Variants in UGT2B15 observed in about 807,000 individuals in gnomAD.
UGT2B15 encodes UDP-glucuronosyltransferase 2B15.
UGT2B15 carries 36 observed loss-of-function variants against 45.9 expected under a neutral mutation model. The observed-to-expected ratio is 0.78, with a 90% confidence interval of 0.60 to 1.04. UGT2B15 has a LOEUF of 1.04. Among genes scored for constraint, UGT2B15 ranks in the 50% least tolerant of loss-of-function variants. The probability of loss-of-function intolerance (pLI) is 0.00; values close to 1 mark genes in which losing one functional copy is unlikely to be tolerated. For missense variants in UGT2B15, 617 were observed against 622.4 expected (o/e 0.99, Z 0.09); for synonymous variants, 219 against 216.4 (o/e 1.01, Z -0.11).
chr4:68,650,943 C>CT (rs1033698808), intron 5 of UGT2B15, among the ~76,000 whole-genome samples: 2 of 139,370 alleles, frequency 1.4e-5, no homozygotes, highest in African/African-American at 2.6e-5. Flanking sequence ...GCATAAATGT[C>CT]TTTTTTTAAG....
chr4:68,650,190 A>C (rs1461675011), intron 5 of UGT2B15, among the ~76,000 whole-genome samples: 1 of 152,092 alleles, frequency 6.6e-6, no homozygotes, highest in Non-Finnish European at 1.5e-5. Context: ...ATACATGTGC[A>C]GAATGTGCAG....
At position 68,670,148 on chromosome 4, in the gene UGT2B15, A is replaced by G. The variant is rs768242596; in HGVS notation, c.471T>C (p.Cys157=). 32 of 1,613,968 alleles carry G rather than the reference A, an allele frequency of 2.0e-5. No individual in the cohort carries two copies. Among genetic ancestry groups the G allele is most frequent in the Non-Finnish European group, 2.6e-5 (31 of 1,179,988 alleles). The change falls in exon 1 of 6, where the codon TGT becomes TGC. Residue 157 remains cysteine (C), a synonymous_variant. Transcript: ENST00000338206. ...DVILADALNP[C]GELLAELFNI... Reference sequence around the variant, plus strand: ...TAAATAGTTCAGCCAGTAGCTCACCACAGGGATTAAGGGCATCTGCCAGAA... The same window carrying G: ...TAAATAGTTCAGCCAGTAGCTCACCGCAGGGATTAAGGGCATCTGCCAGAA...
At chr4:68,656,649 C>T (rs1298219018) in intron 3 of UGT2B15, among the ~76,000 whole-genome samples, 2 of 152,116 alleles carry the variant, frequency 1.3e-5, no homozygotes, top group Non-Finnish European at 2.9e-5. Context: ...CCACCCTATA[C>T]CTCCTTTTGC....
intron 3 of UGT2B15, among the ~76,000 whole-genome samples, chr4:68,658,394 C>T (rs986396297): frequency 6.6e-6 from 1 of 151,964 alleles, no homozygotes; most frequent in African/African-American, 2.4e-5. Context: ...ACAATTATTG[C>T]TAAAGTATGA....
chr4:68,665,212 G>T (rs965236455), intron 2 of UGT2B15, among the ~76,000 whole-genome samples: 2 of 152,016 alleles, frequency 1.3e-5, no homozygotes, highest in African/African-American at 4.8e-5. Context: ...TTCATTATGG[G>T]TTTAATTCTA....
At chr4:68,664,227 C>T (rs371105133) in intron 2 of UGT2B15, among the ~76,000 whole-genome samples, 1 of 149,478 alleles carries the variant, frequency 6.7e-6, no homozygotes, top group Non-Finnish European at 1.5e-5. Context: ...AAACTTAAAT[C>T]CATTCTCTAA....
At chr4:68,668,327 T>C in intron 1 of UGT2B15, 139 bp from the exon 2 acceptor site, 2 of 1,227,438 alleles carry the variant, frequency 1.6e-6, no homozygotes, top group Non-Finnish European at 1.1e-6. Flanking sequence ...AAAATATATA[T>C]AAATACATTT....
chr4:68,659,918 T>C (rs1207175414), intron 3 of UGT2B15, among the ~76,000 whole-genome samples: 2 of 134,496 alleles, frequency 1.5e-5, no homozygotes, highest in Non-Finnish European at 1.7e-5. Context: ...ACATTGCTGA[T>C]CCTTTGTTTT....
intron 3 of UGT2B15, among the ~76,000 whole-genome samples, chr4:68,659,998 T>C (rs1042745511): frequency 2.7e-5 from 4 of 150,212 alleles, no homozygotes; most frequent in Non-Finnish European, 5.9e-5. Flanking sequence ...TTTAGTATAC[T>C]CCTATGAAAA....
At chr4:68,661,454 T>G (rs1219639279) in intron 3 of UGT2B15, among the ~76,000 whole-genome samples, 1 of 151,998 alleles carries the variant, frequency 6.6e-6, no homozygotes, top group Non-Finnish European at 1.5e-5. Context: ...AATAAAAAAG[T>G]AGCAAATTAG....
At chr4:68,664,537 T>C (rs981275359) in intron 2 of UGT2B15, among the ~76,000 whole-genome samples, 61 of 152,136 alleles carry the variant, frequency 4.0e-4, no homozygotes, top group Non-Finnish European at 5.0e-4. Context: ...TATTGGTAAG[T>C]ATTTTTAAAA....
intron 3 of UGT2B15, among the ~76,000 whole-genome samples, chr4:68,660,946 C>A (rs183774287): frequency 1.1e-4 from 16 of 151,888 alleles, no homozygotes; most frequent in African/African-American, 1.9e-4. Flanking sequence ...TATTAATTTT[C>A]AAGGATTTTT....
rs901181751 is a variant in UGT2B15, at chr4:68,668,663, T to G, written c.725-475A>C. 3.0e-5 allele frequency among the ~76,000 whole-genome samples: 4 copies of G among 134,818 alleles called. No homozygotes were observed. The East Asian group carries it at 6.6e-4, about 22-fold the overall frequency. The allele number at this position is 134,818 out of a possible 152,430, so 88.4% of individuals were successfully genotyped here. A position where few individuals can be genotyped will look rare whatever the true frequency, so the allele number is the denominator to read the frequency against. On this transcript the variant is annotated intron_variant, in intron 1 of 5. Transcript: ENST00000338206. ...GCTCTCATGAGATCTGATAGTTTTA[T>G]AAGTGTCTAGTATTTCCCCTGCTTG...
rs751435461 is a variant in UGT2B15 at position 68,654,137 on chromosome 4, C to G, written c.1213G>C (p.Ala405Pro). The G allele has an allele frequency of 4.1e-5, 66 of 1,613,552 alleles. No homozygotes were observed. Among genetic ancestry groups the G allele is most frequent in the Non-Finnish European group, 5.1e-5 (60 of 1,179,672 alleles). ...GCTGCTCCCTTGGCTTTCATGTGAG[C>G]AATGTTATCATGTTGATCCGCAAAC... ...PLFADQHDNI[A>P]HMKAKGAALS... The change falls in exon 5 of 6, where the codon GCT becomes CCT. Residue 405 changes from alanine (A) to proline (P), a missense_variant. Physicochemically the swap from Ala to Pro is conservative, Grantham distance 27. Coordinates refer to ENST00000338206, the MANE Select transcript of UGT2B15 (RefSeq NM_001076.4).
chr4:68,656,184 T>A (rs1732798738), intron 3 of UGT2B15, among the ~76,000 whole-genome samples: 1 of 152,086 alleles, frequency 6.6e-6, no homozygotes. Flanking sequence ...GGAAGGCAGG[T>A]AACTCTATGG....
chr4:68,667,193 C>T (rs1240440995), intron 2 of UGT2B15, among the ~76,000 whole-genome samples: 14 of 151,140 alleles, frequency 9.3e-5, no homozygotes, highest in African/African-American at 1.7e-4. Flanking sequence ...GACAGAGTCT[C>T]GCTCTGTCGC....
At chr4:68,669,283 G>A (rs151259002) in intron 1 of UGT2B15, among the ~76,000 whole-genome samples, 453 of 152,168 alleles carry the variant, frequency 3.0e-3, no homozygotes, top group Non-Finnish European at 5.4e-3. Flanking sequence ...TTAAAACTTA[G>A]ATGTTCACTT....
At chr4:68,667,733 G>A (rs1488433995) in intron 2 of UGT2B15, among the ~76,000 whole-genome samples, 2 of 152,050 alleles carry the variant, frequency 1.3e-5, no homozygotes, top group Non-Finnish European at 2.9e-5. Flanking sequence ...CTTACCTGTG[G>A]TTTGTATTAA....
intron 5 of UGT2B15, among the ~76,000 whole-genome samples, chr4:68,653,061 G>A (rs889145163): frequency 1.4e-4 from 21 of 152,014 alleles, no homozygotes; most frequent in Non-Finnish European, 7.4e-5. Flanking sequence ...TATCCAGCTG[G>A]TGGTAATGAA....
Sources: gnomAD v4.1 joint callset for allele counts (sites outside exome capture counted in the v4.1 genomes callset) on GRCh38, gnomAD v4.1.1 for gene constraint, MANE v1.5 for transcripts, NCBI Gene and HGNC (gene_info 2026-07-23, HGNC 2026-07-21) for gene names.